Variants in SLC2A13 observed in about 807,000 individuals in gnomAD.
SLC2A13 encodes solute carrier family 2 member 13.
A neutral mutation model predicts 64.4 loss-of-function variants in SLC2A13; 32 were observed. The ratio of observed to expected loss-of-function variants is 0.50; its 90% CI spans 0.37 to 0.67. The LOEUF (loss-of-function observed/expected upper bound fraction) is 0.67. Ranked by LOEUF, SLC2A13 falls within the 30% of genes least tolerant of loss-of-function variation. The pLI is 0.00. For synonymous variants in SLC2A13, 338 were observed against 327.1 expected, an observed-to-expected ratio of 1.03 and a Z score of -0.36; for missense variants, 743 against 829.2, an observed-to-expected ratio of 0.90 and a Z score of 1.28.
intron 4 of SLC2A13, among the ~76,000 whole-genome samples, chr12:39,924,980 T>C (rs1047565236): frequency 1.3e-5 from 2 of 150,056 alleles, no homozygotes; most frequent in African/African-American, 4.9e-5. Context: ...GAGCATGACA[T>C]AAAACATACC....
chr12:39,899,788 G>C (rs1313012682), intron 4 of SLC2A13, among the ~76,000 whole-genome samples: 3 of 152,118 alleles, frequency 2.0e-5, no homozygotes, highest in Admixed American at 2.0e-4. Context: ...TAGTTGAGCA[G>C]TTTTGAGTGA....
chr12:39,946,085 T>C (rs1387564821), intron 4 of SLC2A13, among the ~76,000 whole-genome samples: 1 of 152,216 alleles, frequency 6.6e-6, no homozygotes, highest in Non-Finnish European at 1.5e-5. Context: ...TTCCTATGGA[T>C]GTGGCTTCCT....
At chr12:39,915,496 C>A (rs554040431) in intron 4 of SLC2A13, among the ~76,000 whole-genome samples, 2 of 151,932 alleles carry the variant, frequency 1.3e-5, no homozygotes, top group Non-Finnish European at 2.9e-5. Flanking sequence ...GATTCAGTCA[C>A]AAGACAATTC....
intron 1 of SLC2A13, among the ~76,000 whole-genome samples, chr12:40,074,151 A>T (rs1374347018): frequency 7.2e-6 from 1 of 139,598 alleles, no homozygotes; most frequent in Admixed American, 8.2e-5. Context: ...CAGTCTATTA[A>T]AGCCCATCAA....
intron 3 of SLC2A13, among the ~76,000 whole-genome samples, chr12:39,977,908 C>T (rs1165308999): frequency 6.6e-6 from 1 of 152,210 alleles, no homozygotes; most frequent in Non-Finnish European, 1.5e-5. Flanking sequence ...AGATGCCTCC[C>T]CTAAATGCCC....
chr12:39,871,454 T>G (rs186317684), intron 5 of SLC2A13, among the ~76,000 whole-genome samples: 94 of 150,724 alleles, frequency 6.2e-4, no homozygotes, highest in African/African-American at 2.0e-3. Context: ...AGTTTCTGAA[T>G]CCAAAGTTTT....
chr12:39,880,166 T>C (rs991471878), intron 4 of SLC2A13, among the ~76,000 whole-genome samples: 1 of 152,202 alleles, frequency 6.6e-6, no homozygotes, highest in Non-Finnish European at 1.5e-5. Context: ...GCCAGCACCA[T>C]GCTTCCTGTA....
chr12:39,965,784 A>G (rs1340561581), intron 3 of SLC2A13, among the ~76,000 whole-genome samples: 1 of 152,154 alleles, frequency 6.6e-6, no homozygotes, highest in African/African-American at 2.4e-5. Flanking sequence ...CAAACCTATG[A>G]TATATCACTA....
At chr12:40,021,434 A>G (rs1422345465) in intron 3 of SLC2A13, among the ~76,000 whole-genome samples, 1 of 152,200 alleles carries the variant, frequency 6.6e-6, no homozygotes, top group Non-Finnish European at 1.5e-5. Flanking sequence ...AGTTTTACTA[A>G]AAACTGAACA....
In SLC2A13 at chr12:39,940,722, G is replaced by A. The variant is rs116323523; in HGVS notation, c.1034+10535C>T. Among the ~76,000 whole-genome samples the A allele has an allele frequency of 2.9e-3, 438 of 151,824 alleles. 2 individuals are homozygous for A. Among genetic ancestry groups the A allele is most frequent in the African/African-American group, 8.7e-3 (361 of 41,416 alleles). ...TAAACTTATAATATTTTATTTATTC[G>A]TTTTTCTATACATTATTGGGGTACA... On this transcript the variant is annotated intron_variant, in intron 4 of 9. Transcript: ENST00000280871.
intron 1 of SLC2A13, among the ~76,000 whole-genome samples, chr12:40,062,762 G>A (rs934210627): frequency 3.9e-5 from 6 of 152,038 alleles, no homozygotes; most frequent in African/African-American, 1.2e-4. Context: ...TCAAATCTTC[G>A]AGGGTGACAT....
At chr12:39,913,517 A>AC (rs149170386) in intron 4 of SLC2A13, among the ~76,000 whole-genome samples, 1 of 151,900 alleles carries the variant, frequency 6.6e-6, no homozygotes, top group African/African-American at 2.4e-5. Context: ...TTTACAAAAA[A>AC]AAAAAATCTA....
At chr12:39,809,476 G>C (rs1942078426) in intron 7 of SLC2A13, among the ~76,000 whole-genome samples, 1 of 152,058 alleles carries the variant, frequency 6.6e-6, no homozygotes, top group Non-Finnish European at 1.5e-5. Context: ...AGTTGATCTA[G>C]AGATCAACTT....
chr12:39,924,959 T>A (rs1305283074), intron 4 of SLC2A13, among the ~76,000 whole-genome samples: 1 of 151,820 alleles, frequency 6.6e-6, no homozygotes, highest in Admixed American at 6.6e-5. Flanking sequence ...TATATCATCA[T>A]ACACATTAGG....
chr12:39,956,827 T>C (rs973240096), intron 3 of SLC2A13, among the ~76,000 whole-genome samples: 1 of 152,154 alleles, frequency 6.6e-6, no homozygotes, highest in Non-Finnish European at 1.5e-5. Flanking sequence ...ACTTTGTGAC[T>C]AATGGATTAC....
rs923237051 is a variant in SLC2A13, at chr12:39,758,755, C to A, written c.*1271G>T. On this transcript the variant is annotated 3_prime_UTR_variant, in exon 10 of 10. Coordinates refer to ENST00000280871, the MANE Select transcript of SLC2A13 (RefSeq NM_052885.4). ...TTTTACACAAGAAGGAAAAACTAAG[C>A]CAAGAATAAGAAAAACACAGAGACA... is the stretch of plus-strand genomic sequence containing the variant. 5 of 151,004 alleles carry A rather than the reference C, an allele frequency of 3.3e-5. No homozygotes were observed. The highest frequency in any genetic ancestry group is 9.7e-5 in the African/African-American group (4 of 41,158). The allele number at this position is 151,004 out of a possible 1,614,324, so 9.4% of individuals were successfully genotyped here. A position where few individuals can be genotyped will look rare whatever the true frequency, so the allele number is the denominator to read the frequency against.
chr12:39,854,286 GGGTAATA>G (rs1335305283), intron 6 of SLC2A13, among the ~76,000 whole-genome samples: 2 of 151,992 alleles, frequency 1.3e-5, no homozygotes, highest in Non-Finnish European at 2.9e-5. Flanking sequence ...GAAAGTTTAA[GGGTAATA>G]GGTAATATTC....
At chr12:39,893,599 C>T (rs1416613264) in intron 4 of SLC2A13, among the ~76,000 whole-genome samples, 1 of 152,148 alleles carries the variant, frequency 6.6e-6, no homozygotes, top group Non-Finnish European at 1.5e-5. Flanking sequence ...CCACGCCAGG[C>T]CTACCGCTCT....
chr12:39,967,338 T>C (rs1236528569), intron 3 of SLC2A13, among the ~76,000 whole-genome samples: 1 of 152,216 alleles, frequency 6.6e-6, no homozygotes. Flanking sequence ...ATTTATGCTG[T>C]ATTTTAGCAT....
Sources: gnomAD v4.1 joint callset for allele counts (sites outside exome capture counted in the v4.1 genomes callset) on GRCh38, gnomAD v4.1.1 for gene constraint, MANE v1.5 for transcripts, NCBI Gene and HGNC (gene_info 2026-07-23, HGNC 2026-07-21) for gene names.